Variants in ZNF227 observed in about 807,000 individuals in gnomAD.
ZNF227 encodes zinc finger protein 227.
Under a neutral mutation model 13.2 loss-of-function variants are expected in ZNF227, and 12 were observed. That is an observed-to-expected ratio of 0.91 (90% confidence interval 0.58 to 1.47). ZNF227 has a LOEUF of 1.47. Among genes scored for constraint, ZNF227 ranks in the 40% most tolerant of loss-of-function variants. The probability of loss-of-function intolerance (pLI) is 0.00; values close to 1 mark genes in which losing one functional copy is unlikely to be tolerated. For missense variants in ZNF227, 885 were observed against 967.5 expected (o/e 0.91, Z 1.13); for synonymous variants, 338 against 326.0 (o/e 1.04, Z -0.40).
chr19:44,223,912 A>G (rs1333990192), intron 3 of ZNF227, among the ~76,000 whole-genome samples: 1 of 152,076 alleles, frequency 6.6e-6, no homozygotes, highest in African/African-American at 2.4e-5. Context: ...AGTGCTATAA[A>G]TTTCCCTCTA....
At chr19:44,232,915 C>T (rs568160024) in intron 5 of ZNF227, among the ~76,000 whole-genome samples, 1 of 152,220 alleles carries the variant, frequency 6.6e-6, no homozygotes, top group South Asian at 2.1e-4. Flanking sequence ...AAGTGATCCA[C>T]CTGCCTCGGC....
At chr19:44,229,438 C>T (rs893252668) in intron 4 of ZNF227, among the ~76,000 whole-genome samples, 2 of 152,032 alleles carry the variant, frequency 1.3e-5, no homozygotes, top group African/African-American at 4.8e-5. Flanking sequence ...ATGGTGAAAC[C>T]CCATCTCTAC....
upstream of ZNF227, among the ~76,000 whole-genome samples, chr19:44,211,615 G>A (rs1971370440): frequency 1.3e-5 from 2 of 152,112 alleles, no homozygotes; most frequent in African/African-American, 4.8e-5. Context: ...CAAAGCTTGT[G>A]TTTTCTATGT....
In ZNF227 at chr19:44,215,169, G is replaced by GTT. The variant is rs35264039; in HGVS notation, c.-3+1940_-3+1941dup. 1.5e-3 allele frequency among the ~76,000 whole-genome samples: 208 copies of GTT among 137,902 alleles called. 1 individual carries two copies. In the East Asian group the frequency reaches 0.015, roughly 10 times the overall value. The allele number at this position is 137,902 out of a possible 152,430, so 90.5% of individuals were successfully genotyped here. On this transcript the variant is annotated intron_variant, in intron 2 of 5. Transcript: ENST00000313040. ...AAAGCATACGCCAGACATCAGGTCA[G>GTT]TTTTTTTTTTTTTTTTGAAACGGAG...
At chr19:44,232,385 A>G (rs1451586364) in intron 5 of ZNF227, among the ~76,000 whole-genome samples, 1 of 152,178 alleles carries the variant, frequency 6.6e-6, no homozygotes, top group Non-Finnish European at 1.5e-5. Context: ...TTCCCAGATA[A>G]TTTTGCTCAC....
intron 3 of ZNF227, among the ~76,000 whole-genome samples, chr19:44,225,822 TGGA>T (rs368949964): frequency 1.4e-3 from 215 of 152,356 alleles, no homozygotes; most frequent in African/African-American, 4.8e-3. Flanking sequence ...TGCATTCCTT[TGGA>T]GGAGGAGAGG....
At chr19:44,232,723 A>G (rs561825326) in intron 5 of ZNF227, among the ~76,000 whole-genome samples, 6 of 151,186 alleles carry the variant, frequency 4.0e-5, no homozygotes, top group Admixed American at 4.0e-4. Flanking sequence ...GCTAAAGTGC[A>G]GTGGTGCAAT....
At chr19:44,213,525 T>C (rs951806430) in intron 2 of ZNF227, 10 of 152,216 alleles carry the variant, frequency 6.6e-5, no homozygotes, top group African/African-American at 2.4e-4. Context: ...TTTCCCGAAG[T>C]TATTCAACTG....
upstream of ZNF227, among the ~76,000 whole-genome samples, chr19:44,212,225 A>T (rs901593910): frequency 4.4e-4 from 67 of 151,860 alleles, 1 homozygote; most frequent in African/African-American, 1.6e-3. Context: ...AATAAGAAAA[A>T]CCTAAATTCC....
At chr19:44,211,385 G>A (rs1406940761), upstream of ZNF227, among the ~76,000 whole-genome samples, 2 of 152,228 alleles carry the variant, frequency 1.3e-5, no homozygotes, top group African/African-American at 4.8e-5. Flanking sequence ...AATGAGAACT[G>A]CAAACATGTA....
At chr19:44,226,192 C>CT (rs1226294993) in intron 3 of ZNF227, among the ~76,000 whole-genome samples, 1 of 152,120 alleles carries the variant, frequency 6.6e-6, no homozygotes, top group African/African-American at 2.4e-5. Flanking sequence ...TCTGCCCCTA[C>CT]TGGGGGGGTG....
upstream of ZNF227, among the ~76,000 whole-genome samples, chr19:44,211,803 T>G (rs1053438068): frequency 6.6e-5 from 10 of 151,156 alleles, no homozygotes. Context: ...CTTAAAGGGT[T>G]TCCTCTGCCC....
At chr19:44,212,107 C>A (rs1330975434), upstream of ZNF227, among the ~76,000 whole-genome samples, 1 of 151,862 alleles carries the variant, frequency 6.6e-6, no homozygotes, top group Non-Finnish European at 1.5e-5. Flanking sequence ...CCAAGCTGGT[C>A]TGGAACTCCT....
intron 3 of ZNF227, among the ~76,000 whole-genome samples, 166 bp downstream of exon 3, chr19:44,218,018 T>G (rs1036130863): frequency 9.2e-5 from 14 of 152,360 alleles, no homozygotes; most frequent in African/African-American, 3.1e-4. Flanking sequence ...CCTTTACTAT[T>G]TTACAAAACA....
chr19:44,214,999 C>T (rs905725638), intron 2 of ZNF227, among the ~76,000 whole-genome samples: 1 of 151,774 alleles, frequency 6.6e-6, no homozygotes, highest in Non-Finnish European at 1.5e-5. Context: ...CTAGGTTGTG[C>T]GCTCCTTATG....
rs1415668514 is a variant in ZNF227 at position 44,217,515 on chromosome 19, G to A, written c.-2-276G>A. 3 of 636,304 alleles carry A rather than the reference G, an allele frequency of 4.7e-6. No homozygotes were observed. In the African/African-American group the frequency reaches 5.4e-5, roughly 11 times the overall value. The allele number at this position is 636,304 out of a possible 1,614,324, so 39.4% of individuals were successfully genotyped here. On this transcript the variant is annotated intron_variant, in intron 2 of 5. Transcript: ENST00000313040. ...GGAATTAAACCCAGATACTTGACTT[G>A]AGAGCCCTCATATGTTGTTACATTG...
chr19:44,215,104 A>G (rs1971729565), intron 2 of ZNF227, among the ~76,000 whole-genome samples: 3 of 151,618 alleles, frequency 2.0e-5, no homozygotes, highest in South Asian at 4.2e-4. Context: ...CTTCCGTGAA[A>G]CTGGTCCCTG....
In ZNF227 at chr19:44,235,126, C is replaced by T. The variant is rs188600940; in HGVS notation, c.696C>T (p.Gly232=). 6.2e-6 allele frequency: 10 copies of T among 1,614,096 alleles called. No homozygotes were observed. The highest frequency in any genetic ancestry group is 3.4e-6 in the Non-Finnish European group (4 of 1,180,022). The change falls in exon 6 of 6, where the codon GGC becomes GGT. Residue 232 remains glycine (G), a synonymous_variant. Transcript: ENST00000313040. ...AACCCTGCAAAGGTAATGAATATGG[C>T]AAAATCATTAGTGATGGCTCCAATC... is the stretch of plus-strand genomic sequence containing the variant. The part of the protein sequence containing the change: ...EPKPCKGNEY[G]KIISDGSNQK...
chr19:44,220,868 C>A (rs933047337), intron 3 of ZNF227, among the ~76,000 whole-genome samples: 1 of 149,908 alleles, frequency 6.7e-6, no homozygotes, highest in African/African-American at 2.5e-5. Flanking sequence ...TCCATGTGTT[C>A]TCATTGTTCA....
Sources: gnomAD v4.1 joint callset for allele counts (sites outside exome capture counted in the v4.1 genomes callset) on GRCh38, gnomAD v4.1.1 for gene constraint, MANE v1.5 for transcripts, NCBI Gene and HGNC (gene_info 2026-07-23, HGNC 2026-07-21) for gene names.